The following BNC2 variants were observed in gnomAD, a reference collection of about 807,000 sequenced individuals.
The protein encoded by BNC2 is basonuclin zinc finger protein 2, also known as zinc finger protein basonuclin-2.
Under a neutral mutation model 76.3 loss-of-function variants are expected in BNC2, and 20 were observed. That is an observed-to-expected ratio of 0.26 (90% CI 0.18 to 0.38). The LOEUF is 0.38. Ranked by LOEUF, BNC2 falls within the 10% of genes least tolerant of loss-of-function variation. The pLI is 1.00. For synonymous variants in BNC2, 582 were observed against 514.8 expected (o/e 1.13, Z -1.77); for missense variants, 1,382 against 1,399.8 (o/e 0.99, Z 0.20).
intron 3 of BNC2, among the ~76,000 whole-genome samples, chr9:16,679,535 T>C (rs1030310653): frequency 7.2e-5 from 11 of 152,132 alleles, no homozygotes; most frequent in Admixed American, 2.0e-4. Flanking sequence ...TTCCTGATGG[T>C]TTAAATTATT....
chr9:16,849,398 G>A (rs1273089786), intron 1 of BNC2, among the ~76,000 whole-genome samples: 15 of 117,056 alleles, frequency 1.3e-4, no homozygotes, highest in South Asian at 2.6e-4. Context: ...TCCCTCTGTC[G>A]CCCAGGCTGG....
intron 5 of BNC2, among the ~76,000 whole-genome samples, chr9:16,509,514 C>T (rs934921767): frequency 6.6e-6 from 1 of 152,120 alleles, no homozygotes; most frequent in Non-Finnish European, 1.5e-5. Context: ...TTTTCTAAAA[C>T]AGTATTAAGA....
chr9:16,696,967 T>C (rs1055919234), intron 3 of BNC2, among the ~76,000 whole-genome samples: 4 of 152,222 alleles, frequency 2.6e-5, no homozygotes, highest in Non-Finnish European at 5.9e-5. Context: ...TCTCCTCTTA[T>C]TGGACTTTCC....
At chr9:16,870,108 G>T (rs538040894) in intron 1 of BNC2, among the ~76,000 whole-genome samples, 1 of 152,282 alleles carries the variant, frequency 6.6e-6, no homozygotes, top group South Asian at 2.1e-4. Context: ...GTGAAGACAA[G>T]GGGAGAGGAA....
chr9:16,703,613 A>C (rs566752535), intron 3 of BNC2, among the ~76,000 whole-genome samples: 14 of 152,330 alleles, frequency 9.2e-5, no homozygotes, highest in African/African-American at 3.4e-4. Flanking sequence ...AATAATGTCA[A>C]TATATATGTT....
rs1818408697 is a variant in BNC2, at chr9:16,824,531, G to T, written c.3+46115C>A. Among the ~76,000 whole-genome samples, 6 of 152,130 alleles carry T rather than the reference G, an allele frequency of 3.9e-5. 1 individual carries two copies. The highest frequency in any genetic ancestry group is 3.9e-4 in the Admixed American group (6 of 15,286). ...TCCCAAACTGTTATCTCCTTGATAA[G>T]CAGTGGTGCTCTCAGGTGCTTTCAT... is the stretch of plus-strand genomic sequence containing the variant. On this transcript the variant is annotated intron_variant, in intron 1 of 6. Coordinates refer to ENST00000380672, the MANE Select transcript of BNC2 (RefSeq NM_017637.6).
chr9:16,737,673 A>G (rs867471172), intron 2 of BNC2, among the ~76,000 whole-genome samples: 1 of 152,188 alleles, frequency 6.6e-6, no homozygotes, highest in Admixed American at 6.5e-5. Context: ...AAATCGAAAA[A>G]TGTTGAAACA....
intron 5 of BNC2, among the ~76,000 whole-genome samples, chr9:16,548,426 G>C (rs1818556820): frequency 6.7e-6 from 1 of 149,612 alleles, no homozygotes; most frequent in Non-Finnish European, 1.5e-5. Context: ...TTTCTTTCGA[G>C]ATGGAGTCTC....
chr9:16,717,856 C>A (rs186905022), intron 3 of BNC2, among the ~76,000 whole-genome samples: 77 of 152,270 alleles, frequency 5.1e-4, no homozygotes, highest in African/African-American at 1.8e-3. Flanking sequence ...CTGGCACATA[C>A]AGGAACAGTG....
chr9:16,829,504 AT>A (rs536871998), intron 1 of BNC2, among the ~76,000 whole-genome samples: 2 of 152,278 alleles, frequency 1.3e-5, no homozygotes, highest in South Asian at 4.1e-4. Flanking sequence ...AACCCAAAAC[AT>A]TTTTTAAAAA....
chr9:16,838,419 G>C (rs1402505275), intron 1 of BNC2, among the ~76,000 whole-genome samples: 1 of 152,116 alleles, frequency 6.6e-6, no homozygotes, highest in East Asian at 1.9e-4. Flanking sequence ...AAATCAGCTG[G>C]GTGTGGTGGC....
At chr9:16,823,506 G>A (rs1484408370) in intron 1 of BNC2, among the ~76,000 whole-genome samples, 1 of 151,604 alleles carries the variant, frequency 6.6e-6, no homozygotes, top group Non-Finnish European at 1.5e-5. Flanking sequence ...GAGAGGCTGA[G>A]ATAGGAGGAT....
chr9:16,606,820 C>T (rs913889700), intron 3 of BNC2, among the ~76,000 whole-genome samples: 1 of 152,178 alleles, frequency 6.6e-6, no homozygotes, highest in African/African-American at 2.4e-5. Context: ...GGCCTCCCAA[C>T]GTGCTGGGAT....
At chr9:16,607,974 CA>C (rs1196211643) in intron 3 of BNC2, among the ~76,000 whole-genome samples, 1 of 152,040 alleles carries the variant, frequency 6.6e-6, no homozygotes, top group Admixed American at 6.5e-5. Context: ...TCCAGGTATC[CA>C]AAAACCCCCA....
At chr9:16,614,328 C>G (rs894490009) in intron 3 of BNC2, among the ~76,000 whole-genome samples, 1 of 152,006 alleles carries the variant, frequency 6.6e-6, no homozygotes, top group Non-Finnish European at 1.5e-5. Context: ...TCATCACAGC[C>G]TCCAAAATCC....
At chr9:16,814,002 G>C (rs1818120251) in intron 1 of BNC2, among the ~76,000 whole-genome samples, 2 of 152,112 alleles carry the variant, frequency 1.3e-5, no homozygotes, top group South Asian at 4.1e-4. Flanking sequence ...GTACTAAAAG[G>C]ATTTGGCTTG....
intron 1 of BNC2, among the ~76,000 whole-genome samples, chr9:16,778,440 T>A (rs1489472871): frequency 6.6e-6 from 1 of 152,100 alleles, no homozygotes; most frequent in Non-Finnish European, 1.5e-5. Flanking sequence ...TATAAATCCT[T>A]CTTTTCAGCC....
At chr9:16,652,594 A>G (rs1821822927) in intron 3 of BNC2, among the ~76,000 whole-genome samples, 1 of 152,234 alleles carries the variant, frequency 6.6e-6, no homozygotes, top group African/African-American at 2.4e-5. Context: ...TTTTACTTGA[A>G]AAAGAGAAAC....
chr9:16,783,517 A>C (rs1362456738), intron 1 of BNC2, among the ~76,000 whole-genome samples: 1 of 152,242 alleles, frequency 6.6e-6, no homozygotes, highest in African/African-American at 2.4e-5. Context: ...AAGAGTCTAC[A>C]AATTTACATA....
Sources: allele counts gnomAD v4.1 joint callset (sites outside exome capture counted in the v4.1 genomes callset), GRCh38; gene constraint gnomAD v4.1.1; transcripts MANE v1.5; gene names NCBI Gene and HGNC (gene_info 2026-07-23, HGNC 2026-07-21).